Variants in DSCAML1 observed in about 807,000 individuals in gnomAD.
DSCAML1 encodes the protein DS cell adhesion molecule like 1, also known as cell adhesion molecule DSCAML1.
In DSCAML1, 38 loss-of-function variants were observed where a neutral mutation model predicts 200.5. The observed-to-expected ratio is 0.19, with a 90% CI of 0.15 to 0.25. DSCAML1 has a LOEUF of 0.25. DSCAML1 is among the 10% of genes least tolerant of loss of function. DSCAML1 has a pLI of 1.00. For synonymous variants in DSCAML1, 1,215 were observed against 1,165.0 expected, an observed-to-expected ratio of 1.04 and a Z score of -0.87; for missense variants, 2,223 against 2,858.8, an observed-to-expected ratio of 0.78 and a Z score of 5.07.
intron 6 of DSCAML1, among the ~76,000 whole-genome samples, chr11:117,520,674 C>T (rs920831013): frequency 3.3e-5 from 5 of 150,796 alleles, no homozygotes; most frequent in Admixed American, 2.0e-4. Flanking sequence ...GATCGCTTCA[C>T]CCCAGTTCAA....
chr11:117,526,227 C>T (rs1203670977), intron 4 of DSCAML1, among the ~76,000 whole-genome samples: 3 of 152,212 alleles, frequency 2.0e-5, no homozygotes, highest in African/African-American at 7.2e-5. Flanking sequence ...CTACACAACA[C>T]ACCTCCGCTG....
chr11:117,697,017 G>C (rs1362133145), intron 3 of DSCAML1, among the ~76,000 whole-genome samples: 2 of 152,206 alleles, frequency 1.3e-5, no homozygotes, highest in African/African-American at 2.4e-5. Flanking sequence ...CTATTTGCTA[G>C]GAACTTCCTT....
chr11:117,579,630 T>C (rs2051007458), intron 3 of DSCAML1, among the ~76,000 whole-genome samples: 1 of 152,244 alleles, frequency 6.6e-6, no homozygotes, highest in Admixed American at 6.5e-5. Context: ...TATGTGGCAC[T>C]GTTTGATATT....
chr11:117,583,410 C>T (rs1054135049), intron 3 of DSCAML1, among the ~76,000 whole-genome samples: 7 of 152,174 alleles, frequency 4.6e-5, no homozygotes, highest in Non-Finnish European at 7.3e-5. Flanking sequence ...GTTTAGGCTT[C>T]GTGGTCTGAC....
intron 3 of DSCAML1, among the ~76,000 whole-genome samples, chr11:117,588,798 G>A (rs1372123033): frequency 6.6e-6 from 1 of 152,154 alleles, no homozygotes; most frequent in Admixed American, 6.5e-5. Flanking sequence ...GGCCAGGGGC[G>A]GGTGTGGGGA....
chr11:117,539,789 G>T (rs1021956699), intron 3 of DSCAML1, among the ~76,000 whole-genome samples: 1 of 152,062 alleles, frequency 6.6e-6, no homozygotes, highest in African/African-American at 2.4e-5. Flanking sequence ...ATATCCAAAA[G>T]AACTGAAAGC....
intron 27 of DSCAML1, 72 bp from the exon 28 acceptor site, chr11:117,433,543 T>C (rs1182420516): frequency 9.1e-6 from 14 of 1,541,830 alleles, no homozygotes; most frequent in South Asian, 1.2e-5. Flanking sequence ...GGGAGAGGCA[T>C]GGGAAACAAG....
At chr11:117,737,678 A>G (rs1238960961) in intron 3 of DSCAML1, among the ~76,000 whole-genome samples, 1 of 152,240 alleles carries the variant, frequency 6.6e-6, no homozygotes, top group African/African-American at 2.4e-5. Flanking sequence ...CTCAGAATCA[A>G]TGACATCCTA....
rs2047837661 is a variant in DSCAML1 at position 117,433,150 on chromosome 11, T to A, written c.5014A>T (p.Ile1672Phe). The A allele has an allele frequency of 1.2e-6, 2 of 1,613,782 alleles. No individual in the cohort carries two copies. The highest frequency in any genetic ancestry group is 8.5e-7 in the Non-Finnish European group (1 of 1,179,886). Residue 1672 changes from isoleucine to phenylalanine, a missense_variant, in exon 29 of 33, where the codon ATC becomes TTC. Coordinates refer to ENST00000651296, the MANE Select transcript of DSCAML1 (RefSeq NM_020693.4). Reference protein sequence around the residue: ...VQLLIEDKEGIKQLGDDKATI... With the variant: ...VQLLIEDKEGFKQLGDDKATI... Reference sequence around the variant, plus strand: ...ACCTGTCACTCACCCAGTTGCTTGATGCCTTCTTTGTCCTCGATGAGCAGC... The same window carrying A: ...ACCTGTCACTCACCCAGTTGCTTGAAGCCTTCTTTGTCCTCGATGAGCAGC...
intron 3 of DSCAML1, among the ~76,000 whole-genome samples, chr11:117,739,529 G>A (rs1215640543): frequency 6.6e-6 from 1 of 152,246 alleles, no homozygotes; most frequent in Non-Finnish European, 1.5e-5. Flanking sequence ...GAGAATGCCT[G>A]GGAGCAGCTG....
intron 3 of DSCAML1, among the ~76,000 whole-genome samples, chr11:117,766,891 G>A (rs1036315105): frequency 6.6e-6 from 1 of 152,164 alleles, no homozygotes; most frequent in African/African-American, 2.4e-5. Flanking sequence ...ATTGGAAGAA[G>A]TTCTAGGGAG....
intron 7 of DSCAML1, among the ~76,000 whole-genome samples, chr11:117,517,098 G>A (rs1363972599): frequency 6.6e-6 from 1 of 152,128 alleles, no homozygotes; most frequent in Non-Finnish European, 1.5e-5. Flanking sequence ...CCTCATTTAT[G>A]GGGAGATTAA....
intron 21 of DSCAML1, among the ~76,000 whole-genome samples, chr11:117,442,802 C>T (rs1592584252): frequency 6.6e-6 from 1 of 152,132 alleles, no homozygotes; most frequent in African/African-American, 2.4e-5. Flanking sequence ...GTAGGAGGTG[C>T]TGAGGCTGTG....
At chr11:117,721,476 A>AG (rs1157229070) in intron 3 of DSCAML1, among the ~76,000 whole-genome samples, 2 of 152,144 alleles carry the variant, frequency 1.3e-5, no homozygotes, top group African/African-American at 2.4e-5. Context: ...TATTACAGTC[A>AG]GGGGTTCCTG....
chr11:117,809,979 T>C lies in DSCAML1; in HGVS notation c.-250+7411A>G, dbSNP rs1265379136. 2.0e-5 allele frequency among the ~76,000 whole-genome samples: 3 copies of C among 146,572 alleles called. No homozygotes were observed. The South Asian group carries it at 6.5e-4, about 32-fold the overall frequency. On this transcript the variant is annotated intron_variant, in intron 1 of 2. Transcript: ENST00000525836. Reference sequence around the variant, plus strand: ...CACACACTCACACATTCACACACACTCATACACACATTCACATACACACAT... The same window carrying C: ...CACACACTCACACATTCACACACACCCATACACACATTCACATACACACAT...
chr11:117,530,234 T>A (rs2050049841), intron 4 of DSCAML1, among the ~76,000 whole-genome samples: 1 of 152,078 alleles, frequency 6.6e-6, no homozygotes, highest in Non-Finnish European at 1.5e-5. Context: ...TCAAAGAATG[T>A]CTCTTTTTGA....
intron 3 of DSCAML1, among the ~76,000 whole-genome samples, chr11:117,601,380 C>G (rs1037412530): frequency 6.6e-6 from 1 of 152,198 alleles, no homozygotes; most frequent in Non-Finnish European, 1.5e-5. Context: ...GACTCTTCAG[C>G]AGGGAGACCG....
intron 1 of DSCAML1, among the ~76,000 whole-genome samples, chr11:117,811,502 G>C (rs890334769): frequency 1.3e-5 from 2 of 152,206 alleles, no homozygotes; most frequent in Non-Finnish European, 2.9e-5. Context: ...CCAAACGCCT[G>C]AACTGCAGCG....
In DSCAML1 at chr11:117,612,823, C is replaced by T. The variant is rs367934463; in HGVS notation, c.512-80301G>A. On this transcript the variant is annotated intron_variant, in intron 3 of 32. Coordinates refer to ENST00000651296, the MANE Select transcript of DSCAML1 (RefSeq NM_020693.4). The stretch of plus-strand genomic sequence containing the variant: ...TGTGGCTTGGTGGCCCAGATGGTAG[C>T]TGAGGAGCCTATGAACAGATGGTGC... 1.5e-3 allele frequency among the ~76,000 whole-genome samples: 235 copies of T among 152,314 alleles called. 7 individuals are homozygous for T. The South Asian group carries it at 0.047, about 30-fold the overall frequency.
Sources: gnomAD v4.1 joint callset for allele counts (sites outside exome capture counted in the v4.1 genomes callset) on GRCh38, gnomAD v4.1.1 for gene constraint, MANE v1.5 for transcripts, NCBI Gene and HGNC (gene_info 2026-07-23, HGNC 2026-07-21) for gene names.